Variants in NDST4 observed in about 807,000 individuals in gnomAD.
NDST4 encodes the protein N-deacetylase and N-sulfotransferase 4.
Under a neutral mutation model 100.8 loss-of-function variants are expected in NDST4, and 63 were observed. The ratio of observed to expected loss-of-function variants is 0.62; its 90% CI spans 0.51 to 0.77. NDST4 has a LOEUF of 0.77. Among genes scored for constraint, NDST4 ranks in the 30% least tolerant of loss-of-function variants. NDST4 has a pLI of 0.00. For missense variants in NDST4, 943 were observed against 1,018.4 expected, an observed-to-expected ratio of 0.93 and a Z score of 1.01; for synonymous variants, 377 against 361.8, an observed-to-expected ratio of 1.04 and a Z score of -0.48.
intron 2 of NDST4, among the ~76,000 whole-genome samples, chr4:115,047,956 G>C (rs1362815192): frequency 6.6e-6 from 1 of 151,972 alleles, no homozygotes; most frequent in Admixed American, 6.6e-5. Context: ...GTTAAATGAG[G>C]TGCCATTATG....
chr4:114,883,257 G>A (rs1341468550), intron 6 of NDST4, among the ~76,000 whole-genome samples: 1 of 152,010 alleles, frequency 6.6e-6, no homozygotes, highest in Non-Finnish European at 1.5e-5. Context: ...CATTGGGTGA[G>A]TATAGCATTC....
At chr4:115,105,293 T>A (rs756786519) in intron 1 of NDST4, among the ~76,000 whole-genome samples, 5 of 152,164 alleles carry the variant, frequency 3.3e-5, no homozygotes, top group Admixed American at 1.3e-4. Flanking sequence ...AATGTTGACA[T>A]GTTATCTTTC....
intron 2 of NDST4, among the ~76,000 whole-genome samples, chr4:114,978,046 A>C (rs1726677290): frequency 6.6e-6 from 1 of 151,996 alleles, no homozygotes; most frequent in South Asian, 2.1e-4. Context: ...TTCCTATGTC[A>C]AAATTTGTAG....
chr4:114,960,220 A>G (rs1726230933), intron 4 of NDST4, among the ~76,000 whole-genome samples: 2 of 152,266 alleles, frequency 1.3e-5, no homozygotes. Context: ...ATCAAAACTG[A>G]GAGAATACAT....
chr4:114,880,085 T>G (rs1243152288), intron 6 of NDST4, among the ~76,000 whole-genome samples: 1 of 152,146 alleles, frequency 6.6e-6, no homozygotes. Flanking sequence ...CAGCAGTAAA[T>G]AGGGCAGCTG....
intron 6 of NDST4, among the ~76,000 whole-genome samples, chr4:114,915,388 G>C (rs1725147884): frequency 1.3e-5 from 2 of 152,130 alleles, no homozygotes; most frequent in African/African-American, 4.8e-5. Flanking sequence ...ATGCAAAAAG[G>C]TTAATAAGTC....
At chr4:115,085,583 CTGAG>C (rs1729393722) in intron 1 of NDST4, among the ~76,000 whole-genome samples, 1 of 152,080 alleles carries the variant, frequency 6.6e-6, no homozygotes, top group Admixed American at 6.6e-5. Context: ...TCTCATGATA[CTGAG>C]TGAGTTCTCA....
intron 1 of NDST4, among the ~76,000 whole-genome samples, chr4:115,077,943 A>T (rs477076): frequency 0.26 from 38,934 of 152,022 alleles, 6,827 homozygotes; most frequent in African/African-American, 0.47. Flanking sequence ...GAAAAGAACA[A>T]TGACATGTTA....
intron 6 of NDST4, among the ~76,000 whole-genome samples, chr4:114,924,433 A>AG: frequency 1.3e-5 from 2 of 148,150 alleles, no homozygotes; most frequent in South Asian, 4.3e-4. Flanking sequence ...CTTTAAGGAT[A>AG]GAAAAAAAAA....
chr4:115,076,832 T>C lies in NDST4; in HGVS notation c.205A>G (p.Lys69Glu), dbSNP rs1264120705. Reference sequence around the variant, plus strand: ...TCCGTTTTGGATGTGTCAATAGGTTTAACTGTTTTCAGCTCCATTGACCTA... The same window carrying C: ...TCCGTTTTGGATGTGTCAATAGGTTCAACTGTTTTCAGCTCCATTGACCTA... ...PYRSMELKTV[K>E]PIDTSKTDPT... The change falls in exon 2 of 14, where the codon AAA becomes GAA. Residue 69 changes from lysine to glutamate, a missense_variant. Lys to Glu is a moderately conservative substitution (Grantham distance 56, BLOSUM62 1). Around this residue, in one of 2 missense-constraint regions of NDST4, gnomAD observed 417 missense variants for 384.2 expected, o/e 1.09. Transcript: ENST00000264363. 3.1e-6 allele frequency: 5 copies of C among 1,613,794 alleles called. No homozygotes were observed. In the East Asian group the frequency reaches 1.1e-4, roughly 36 times the overall value.
intron 2 of NDST4, among the ~76,000 whole-genome samples, chr4:115,037,814 A>G (rs532745809): frequency 1.2e-3 from 183 of 152,278 alleles, no homozygotes; most frequent in African/African-American, 4.3e-3. Context: ...TAGGCCATTG[A>G]TATTATGTCC....
At chr4:114,909,442 T>C (rs1254739137) in intron 6 of NDST4, among the ~76,000 whole-genome samples, 1 of 150,878 alleles carries the variant, frequency 6.6e-6, no homozygotes, top group Non-Finnish European at 1.5e-5. Context: ...GGGTGGATCA[T>C]GAGGTCAGGA....
intron 1 of NDST4, among the ~76,000 whole-genome samples, chr4:115,111,926 A>G (rs1729961271): frequency 6.6e-6 from 1 of 151,882 alleles, no homozygotes; most frequent in African/African-American, 2.4e-5. Context: ...TAAAAATGTC[A>G]ACAATAGTAG....
chr4:114,895,480 G>A (rs940648158), intron 6 of NDST4, among the ~76,000 whole-genome samples: 3 of 152,218 alleles, frequency 2.0e-5, no homozygotes, highest in African/African-American at 4.8e-5. Flanking sequence ...CTCTGAAATT[G>A]GGGCAGTAAT....
At chr4:115,083,135 A>T (rs1729336753) in intron 1 of NDST4, among the ~76,000 whole-genome samples, 1 of 152,238 alleles carries the variant, frequency 6.6e-6, no homozygotes, top group Middle Eastern at 3.4e-3. Context: ...TTTTATATTA[A>T]TGAAACAGAA....
chr4:115,016,293 A>C (rs1002331780), intron 2 of NDST4, among the ~76,000 whole-genome samples: 1 of 152,104 alleles, frequency 6.6e-6, no homozygotes, highest in African/African-American at 2.4e-5. Context: ...GTTCTTCAGA[A>C]GCCTGTATAT....
intron 1 of NDST4, among the ~76,000 whole-genome samples, chr4:115,100,368 T>C (rs530853371): frequency 2.2e-4 from 33 of 152,158 alleles, no homozygotes; most frequent in African/African-American, 6.7e-4. Flanking sequence ...GGTTTCTTGA[T>C]TGTAGGAGAT....
intron 6 of NDST4, among the ~76,000 whole-genome samples, chr4:114,887,327 C>T (rs1437642145): frequency 1.3e-5 from 2 of 152,030 alleles, no homozygotes; most frequent in Non-Finnish European, 2.9e-5. Flanking sequence ...AGAAAGAAAT[C>T]AGATAAATAG....
chr4:114,926,990 T>C (rs1053840288), intron 6 of NDST4, among the ~76,000 whole-genome samples: 3 of 152,056 alleles, frequency 2.0e-5, no homozygotes, highest in Non-Finnish European at 4.4e-5. Flanking sequence ...AAATTCAAAA[T>C]GGTCCTGCAA....
Sources: gnomAD v4.1 joint callset for allele counts (sites outside exome capture counted in the v4.1 genomes callset) on GRCh38, gnomAD v4.1.1 for gene constraint, gnomAD v4.1.1 regional missense constraint, MANE v1.5 for transcripts, NCBI Gene and HGNC (gene_info 2026-07-23, HGNC 2026-07-21) for gene names.